The following ABCC4 variants were observed in gnomAD, a reference collection of about 807,000 sequenced individuals.
The protein encoded by ABCC4 is ATP-binding cassette sub-family C member 4.
A neutral mutation model predicts 168.5 loss-of-function variants in ABCC4; 102 were observed. That is an observed-to-expected ratio of 0.61 (90% CI 0.52 to 0.71). The LOEUF (loss-of-function observed/expected upper bound fraction) is 0.71. ABCC4 is among the 30% of genes least tolerant of loss of function. The pLI, the probability that ABCC4 is intolerant of heterozygous loss-of-function variation, is 0.00. For synonymous variants in ABCC4, 617 were observed against 590.7 expected, an observed-to-expected ratio of 1.04 and a Z score of -0.65; for missense variants, 1,402 against 1,605.8, an observed-to-expected ratio of 0.87 and a Z score of 2.17.
At chr13:95,098,013 G>A (rs1487117773) in intron 20 of ABCC4, among the ~76,000 whole-genome samples, 1 of 151,716 alleles carries the variant, frequency 6.6e-6, no homozygotes, top group African/African-American at 2.4e-5. Context: ...ATGTGCGCCT[G>A]TAATCCCAGC....
chr13:95,154,038 A>G (rs1342474642), intron 19 of ABCC4, among the ~76,000 whole-genome samples: 1 of 152,018 alleles, frequency 6.6e-6, no homozygotes, highest in African/African-American at 2.4e-5. Context: ...TAATTACCAC[A>G]CCTACTTCAA....
At position 95,083,274 on chromosome 13, in the gene ABCC4, A is replaced by T; in HGVS notation, c.2552T>A (p.Val851Asp). ...GGCCACAGCCACAGAGACCACACCA[A>T]CCACTTGTAGCAATGTCTGAAATAG... Reference protein sequence around the residue: ...LDFIQTLLQVVGVVSVAVAVI... With the variant: ...LDFIQTLLQVDGVVSVAVAVI... Residue 851 changes from valine to aspartate, a missense_variant, in exon 21 of 31, where the codon GTT becomes GAT. By Grantham distance (152) the Val-to-Asp change is radical (BLOSUM62 -3). Coordinates refer to ENST00000645237, the MANE Select transcript of ABCC4 (RefSeq NM_005845.5). 2 of 1,613,954 alleles carry T rather than the reference A, an allele frequency of 1.2e-6. No homozygotes were observed. Among genetic ancestry groups the T allele is most frequent in the Non-Finnish European group, 1.7e-6 (2 of 1,179,894 alleles).
At chr13:95,161,374 C>T (rs766115140) in intron 18 of ABCC4, 39 bp from the exon 19 acceptor site, 1 of 1,468,864 alleles carries the variant, frequency 6.8e-7, no homozygotes, top group Admixed American at 2.5e-5. Flanking sequence ...CACAGCATAT[C>T]TCTGCATTTT....
chr13:95,206,440 T>A, intron 8 of ABCC4, 92 bp downstream of exon 8: 3 of 1,518,632 alleles, frequency 2.0e-6, no homozygotes, highest in African/African-American at 1.4e-5. Flanking sequence ...GAGTTAAATG[T>A]CATTACACTG....
chr13:95,210,614 C>T (rs2038925877), intron 5 of ABCC4, 78 bp downstream of exon 5: 1 of 1,225,650 alleles, frequency 8.2e-7, no homozygotes, highest in East Asian at 2.4e-5. Flanking sequence ...ACAGAGTGAG[C>T]CCCTGCCTCC....
intron 30 of ABCC4, among the ~76,000 whole-genome samples, chr13:95,024,920 T>C (rs1246621066): frequency 6.6e-6 from 1 of 151,996 alleles, no homozygotes; most frequent in Non-Finnish European, 1.5e-5. Context: ...AGGGCTGCCA[T>C]ATGCAACTGG....
intron 25 of ABCC4, 137 bp from the exon 26 acceptor site, chr13:95,062,996 A>C (rs2033361410): frequency 2.9e-6 from 3 of 1,039,474 alleles, no homozygotes; most frequent in Non-Finnish European, 4.1e-6. Context: ...AGAGTTTCCC[A>C]ACCTCAGCAC....
chr13:95,301,443 C>T lies in ABCC4; in HGVS notation c.-129G>A, dbSNP rs981312112. ...CCACGCCTGTCCGCTCGGCTGGAGC[C>T]TGTGAAGCAGCCGCTTCCGGGAGCC... On this transcript the variant is annotated 5_prime_UTR_variant, in exon 1 of 31. Coordinates refer to ENST00000645237, the MANE Select transcript of ABCC4 (RefSeq NM_005845.5). 1 of 712,692 alleles carries T rather than the reference C, an allele frequency of 1.4e-6. No homozygotes were observed. The highest frequency in any genetic ancestry group is 3.5e-5 in the East Asian group (1 of 28,204). The allele number at this position is 712,692 out of a possible 1,614,324, so 44.1% of individuals were successfully genotyped here.
At chr13:95,128,731 A>G (rs986138643) in intron 19 of ABCC4, among the ~76,000 whole-genome samples, 1 of 152,194 alleles carries the variant, frequency 6.6e-6, no homozygotes, top group Non-Finnish European at 1.5e-5. Flanking sequence ...ACAAGTTGTC[A>G]ATCCAGCAAA....
At chr13:95,039,248 C>G (rs534613260) in intron 29 of ABCC4, among the ~76,000 whole-genome samples, 1 of 152,218 alleles carries the variant, frequency 6.6e-6, no homozygotes, top group East Asian at 1.9e-4. Context: ...ATCTGAAATG[C>G]CCCAATGAGT....
chr13:95,224,198 C>A, intron 4 of ABCC4, among the ~76,000 whole-genome samples: 1 of 140,014 alleles, frequency 7.1e-6, no homozygotes, highest in African/African-American at 2.6e-5. Context: ...AAAAAAAAAT[C>A]AACCCAAAAA....
intron 20 of ABCC4, among the ~76,000 whole-genome samples, chr13:95,114,232 C>T (rs2035297172): frequency 6.6e-6 from 1 of 152,148 alleles, no homozygotes; most frequent in Non-Finnish European, 1.5e-5. Context: ...TTTCCCTCCT[C>T]ATGCTTCTAA....
At chr13:95,096,399 GAAAGA>G (rs941359219) in intron 20 of ABCC4, among the ~76,000 whole-genome samples, 15 of 151,872 alleles carry the variant, frequency 9.9e-5, no homozygotes, top group African/African-American at 2.9e-4. Flanking sequence ...AGTTAAAAGA[GAAAGA>G]AAAGAAAAGT....
rs199579345 is a variant in ABCC4 at position 95,232,110 on chromosome 13, C to A, written c.531+2500G>T. 4.4e-4 allele frequency among the ~76,000 whole-genome samples: 15 copies of A among 34,338 alleles called. 1 individual carries two copies. The highest frequency in any genetic ancestry group is 7.5e-4 in the African/African-American group (9 of 12,004). 22.5% of individuals were successfully genotyped at this position (34,338 alleles called of 152,430 possible). ...GAGAATAACACAGATGATGATGATG[C>A]TGCTGCTGCTGATGATGATGGTGGT... On this transcript the variant is annotated intron_variant, in intron 4 of 30. Transcript: ENST00000645237.
At chr13:95,027,247 T>C (rs915215040) in intron 30 of ABCC4, among the ~76,000 whole-genome samples, 4 of 152,086 alleles carry the variant, frequency 2.6e-5, no homozygotes, top group African/African-American at 9.7e-5. Flanking sequence ...TATAGAGCAT[T>C]GTTTTGCAAC....
chr13:95,271,728 G>C (rs1053003156), intron 1 of ABCC4, among the ~76,000 whole-genome samples: 1 of 152,110 alleles, frequency 6.6e-6, no homozygotes, highest in East Asian at 1.9e-4. Context: ...ATAACAAACA[G>C]ACATTGGTCC....
intron 4 of ABCC4, among the ~76,000 whole-genome samples, chr13:95,222,984 G>A (rs2039348229): frequency 6.6e-6 from 1 of 152,088 alleles, no homozygotes; most frequent in Admixed American, 6.5e-5. Flanking sequence ...TGCTACCCAG[G>A]TTGAGCACTA....
intron 8 of ABCC4, among the ~76,000 whole-genome samples, chr13:95,195,423 G>T (rs552200746): frequency 1.5e-4 from 23 of 152,304 alleles, no homozygotes; most frequent in Non-Finnish European, 3.1e-4. Flanking sequence ...AGAAGGGTAG[G>T]CAGGAAACAC....
chr13:95,113,769 G>C (rs922524748), intron 20 of ABCC4, among the ~76,000 whole-genome samples: 1 of 151,962 alleles, frequency 6.6e-6, no homozygotes, highest in Non-Finnish European at 1.5e-5. Context: ...AGAAAGGCTC[G>C]GCACACAAAG....
Sources: allele counts gnomAD v4.1 joint callset (sites outside exome capture counted in the v4.1 genomes callset), GRCh38; gene constraint gnomAD v4.1.1; transcripts MANE v1.5; gene names NCBI Gene and HGNC (gene_info 2026-07-23, HGNC 2026-07-21).